Variants in RBFOX2 observed in about 807,000 individuals in gnomAD.
RBFOX2 encodes RNA binding fox-1 homolog 2.
In RBFOX2, 10 loss-of-function variants were observed where a neutral mutation model predicts 49.1. The observed-to-expected ratio is 0.20, with a 90% CI of 0.13 to 0.35. The LOEUF is 0.35. RBFOX2 is among the 10% of genes least tolerant of loss of function. The pLI is 1.00. For synonymous variants in RBFOX2, 183 were observed against 187.4 expected (o/e 0.98, Z 0.19); for missense variants, 323 against 486.9 (o/e 0.66, Z 3.17).
intron 1 of RBFOX2, among the ~76,000 whole-genome samples, chr22:35,944,014 G>T (rs2053991899): frequency 6.6e-6 from 1 of 152,238 alleles, no homozygotes; most frequent in African/African-American, 2.4e-5. Context: ...TGGCTGCTTA[G>T]ATGCTCCTAT....
chr22:35,755,973 A>C (rs748888944), intron 9 of RBFOX2, 132 bp downstream of exon 11: 137 of 405,016 alleles, frequency 3.4e-4, no homozygotes, highest in Non-Finnish European at 1.8e-4. Context: ...ATATATATAT[A>C]TCCACAAGGA....
intron 1 of RBFOX2, among the ~76,000 whole-genome samples, chr22:35,990,787 G>A (rs184670398): frequency 3.9e-5 from 6 of 152,218 alleles, no homozygotes; most frequent in Admixed American, 3.9e-4. Context: ...ATGAGGGAGG[G>A]ACAAAACAAT....
chr22:35,790,851 T>C (rs933533386), intron 2 of RBFOX2, among the ~76,000 whole-genome samples: 4 of 151,560 alleles, frequency 2.6e-5, no homozygotes, highest in African/African-American at 9.7e-5. Flanking sequence ...CTACAAAAAA[T>C]ACAAAAATTA....
rs997766601 is a variant in RBFOX2, at chr22:35,885,259, C to A, written c.-34+53588G>T. The stretch of plus-strand genomic sequence containing the variant: ...CCTACCCCTGCCCAGCCTTTGGCAT[C>A]TACTGTACTGTTTAGTGAGACCTTC... On this transcript the variant is annotated intron_variant, in intron 1 of 13. Coordinates refer to the RBFOX2 transcript ENST00000359369. Among the ~76,000 whole-genome samples, 6 of 152,292 alleles carry A rather than the reference C, an allele frequency of 3.9e-5. 1 individual carries two copies. In the South Asian group the frequency reaches 1.2e-3, roughly 32 times the overall value.
At chr22:35,742,215 C>T (rs1472650216) in exon 12 of RBFOX2, 2 of 152,222 alleles carry the variant, frequency 1.3e-5, no homozygotes, top group Admixed American at 6.5e-5. Flanking sequence ...CCCTTATTCT[C>T]TGTCTTCCTC....
rs117959204 is a variant in RBFOX2 at position 35,862,733 on chromosome 22, T to C, written c.-33-52729A>G. On this transcript the variant is annotated intron_variant, in intron 1 of 13. Transcript: ENST00000359369. ...CTACTTGATTCGAATCTTAGCTCCATAACTTCTTAGCTGTGTAATTTGAGA... is the reference window on the plus strand; with the variant it reads ...CTACTTGATTCGAATCTTAGCTCCACAACTTCTTAGCTGTGTAATTTGAGA... Among the ~76,000 whole-genome samples the C allele has an allele frequency of 3.2e-3, 480 of 152,284 alleles. 7 individuals carry two copies. The highest frequency in any genetic ancestry group is 0.018 in the East Asian group (93 of 5,188).
exon 12 of RBFOX2, chr22:35,741,601 G>A (rs1929985915): frequency 1.3e-5 from 2 of 152,778 alleles, no homozygotes; most frequent in Admixed American, 6.5e-5. Flanking sequence ...ATAAAAAGCA[G>A]AACTCCATTT....
chr22:36,002,646 C>T (rs928252820), intron 1 of RBFOX2, among the ~76,000 whole-genome samples: 1 of 152,240 alleles, frequency 6.6e-6, no homozygotes, highest in Non-Finnish European at 1.5e-5. Context: ...GTTCTTGAGA[C>T]GGAGTCTCAC....
At chr22:35,980,032 AGTAAAGGGT>A (rs2057380610) in intron 1 of RBFOX2, among the ~76,000 whole-genome samples, 1 of 152,228 alleles carries the variant, frequency 6.6e-6, no homozygotes, top group South Asian at 2.1e-4. Context: ...CTTATAAACT[AGTAAAGGGT>A]TACTGGCGCT....
At chr22:35,840,275 A>T in exon 1 of RBFOX2, 1 of 1,613,738 alleles carries the variant, frequency 6.2e-7, no homozygotes, top group Admixed American at 1.7e-5. Flanking sequence ...GCACACCTCC[A>T]CAGCTTTCTT....
chr22:35,896,274 T>C (rs749926519), intron 1 of RBFOX2, among the ~76,000 whole-genome samples: 1 of 152,210 alleles, frequency 6.6e-6, no homozygotes, highest in Non-Finnish European at 1.5e-5. Context: ...TTTTTGGCCA[T>C]GGAGTCTTTT....
At chr22:35,858,525 C>G (rs1038459353) in intron 1 of RBFOX2, among the ~76,000 whole-genome samples, 2 of 152,054 alleles carry the variant, frequency 1.3e-5, no homozygotes, top group African/African-American at 4.8e-5. Context: ...TCCTATTTCT[C>G]ACAAATAATT....
At chr22:35,766,046 C>A (rs1485873077) in intron 5 of RBFOX2, among the ~76,000 whole-genome samples, 2 of 152,146 alleles carry the variant, frequency 1.3e-5, no homozygotes, top group African/African-American at 4.8e-5. Context: ...ACTACATGGT[C>A]TATCAATTTA....
At chr22:35,740,509 A>C (rs944785908) in exon 12 of RBFOX2, 5 of 152,548 alleles carry the variant, frequency 3.3e-5, no homozygotes, top group Non-Finnish European at 5.9e-5. Context: ...ATGCTTTTAA[A>C]ACACCACGAC....
At chr22:35,893,913 G>C (rs2047539523) in intron 1 of RBFOX2, among the ~76,000 whole-genome samples, 1 of 152,026 alleles carries the variant, frequency 6.6e-6, no homozygotes. Context: ...ATCACATCTA[G>C]TAGGCTCCCT....
intron 4 of RBFOX2, 134 bp downstream of exon 5, chr22:35,777,891 C>A: frequency 1.1e-6 from 1 of 903,870 alleles, no homozygotes; most frequent in Non-Finnish European, 1.6e-6. Context: ...TAGAGATAAT[C>A]TAAACCAAGG....
At chr22:35,941,211 C>A (rs1034325006), upstream of RBFOX2, among the ~76,000 whole-genome samples, 1 of 151,938 alleles carries the variant, frequency 6.6e-6, no homozygotes, top group Non-Finnish European at 1.5e-5. Flanking sequence ...AGGCTCTTTC[C>A]GAAATGCACA....
chr22:35,933,250 A>G (rs1409864721), intron 1 of RBFOX2, among the ~76,000 whole-genome samples: 4 of 152,224 alleles, frequency 2.6e-5, no homozygotes, highest in Non-Finnish European at 4.4e-5. Flanking sequence ...GGGATAATAA[A>G]GCCCAAGCCA....
chr22:36,000,978 A>ATG (rs1229978183), intron 1 of RBFOX2, among the ~76,000 whole-genome samples: 1 of 152,182 alleles, frequency 6.6e-6, no homozygotes, highest in Admixed American at 6.5e-5. Flanking sequence ...GACAGATTAT[A>ATG]TGATTTGCAC....
Sources: allele counts gnomAD v4.1 joint callset (sites outside exome capture counted in the v4.1 genomes callset), GRCh38; gene constraint gnomAD v4.1.1; transcripts MANE v1.5; gene names NCBI Gene and HGNC (gene_info 2026-07-23, HGNC 2026-07-21).